Variants in CACNA2D1 observed in about 807,000 individuals in gnomAD.
CACNA2D1 encodes the protein calcium voltage-gated channel auxiliary subunit alpha2delta 1.
Under a neutral mutation model 171.5 loss-of-function variants are expected in CACNA2D1, and 53 were observed. The observed-to-expected ratio is 0.31, with a 90% CI of 0.25 to 0.39. The LOEUF (loss-of-function observed/expected upper bound fraction) is 0.39, where lower values mean the gene tolerates loss of function less well. CACNA2D1 is among the 10% of genes least tolerant of loss of function. The pLI is 1.00. For missense variants in CACNA2D1, 903 were observed against 1,299.8 expected, an observed-to-expected ratio of 0.69 and a Z score of 4.69; for synonymous variants, 442 against 443.1, an observed-to-expected ratio of 1.00 and a Z score of 0.03.
At chr7:82,322,721 A>AT (rs1335586592) in intron 3 of CACNA2D1, among the ~76,000 whole-genome samples, 4 of 152,160 alleles carry the variant, frequency 2.6e-5, no homozygotes, top group African/African-American at 4.8e-5. Flanking sequence ...GTATCAGGAG[A>AT]TTTTTTAAAG....
intron 3 of CACNA2D1, among the ~76,000 whole-genome samples, chr7:82,295,964 A>G (rs543819503): frequency 2.3e-4 from 35 of 152,184 alleles, no homozygotes; most frequent in African/African-American, 7.7e-4. Context: ...TTGTAGGGAC[A>G]TGGATGAAAT....
At chr7:82,028,076 T>C (rs1014531667) in intron 12 of CACNA2D1, 2 of 151,846 alleles carry the variant, frequency 1.3e-5, no homozygotes, top group Non-Finnish European at 2.9e-5. Flanking sequence ...AGGACTTTCA[T>C]AGCTAAAAAG....
chr7:81,984,441 C>T (rs988326806), intron 22 of CACNA2D1, among the ~76,000 whole-genome samples, 194 bp downstream of exon 22: 8 of 152,152 alleles, frequency 5.3e-5, no homozygotes, highest in Non-Finnish European at 8.8e-5. Flanking sequence ...GGAGTACCTG[C>T]TCATATTCTA....
intron 5 of CACNA2D1, among the ~76,000 whole-genome samples, chr7:82,134,007 A>G (rs1451798041): frequency 2.6e-5 from 4 of 151,998 alleles, no homozygotes; most frequent in Non-Finnish European, 5.9e-5. Flanking sequence ...CAGGAGGTGG[A>G]GCTTGCAGTG....
At chr7:81,968,823 A>G (rs1794972329) in intron 29 of CACNA2D1, 64 bp downstream of exon 29, 2 of 911,122 alleles carry the variant, frequency 2.2e-6, no homozygotes, top group South Asian at 2.7e-5. Context: ...TTGCCAGTTT[A>G]TAATATAAAT....
chr7:82,216,220 G>A (rs768262338), intron 3 of CACNA2D1, among the ~76,000 whole-genome samples: 1 of 152,232 alleles, frequency 6.6e-6, no homozygotes, highest in East Asian at 1.9e-4. Context: ...TGTCAGTTCA[G>A]CATCAATTTG....
At chr7:82,181,643 A>T (rs1218045775) in intron 3 of CACNA2D1, among the ~76,000 whole-genome samples, 3 of 152,234 alleles carry the variant, frequency 2.0e-5, no homozygotes, top group African/African-American at 2.4e-5. Context: ...TATCTTAAAA[A>T]AGCAAGCTCT....
intron 1 of CACNA2D1, among the ~76,000 whole-genome samples, chr7:82,427,923 T>C (rs2129458350): frequency 6.6e-6 from 1 of 152,226 alleles, no homozygotes; most frequent in East Asian, 1.9e-4. Context: ...ATGCAATGGC[T>C]CACGCCTGTA....
At chr7:82,137,544 T>G (rs978654798) in intron 4 of CACNA2D1, among the ~76,000 whole-genome samples, 3 of 151,992 alleles carry the variant, frequency 2.0e-5, no homozygotes, top group Non-Finnish European at 4.4e-5. Context: ...ACACATATTT[T>G]TCCCTGCCTC....
chr7:82,155,363 G>A (rs975774281), intron 4 of CACNA2D1, among the ~76,000 whole-genome samples: 1 of 152,060 alleles, frequency 6.6e-6, no homozygotes, highest in Non-Finnish European at 1.5e-5. Context: ...TGTTCAGGTA[G>A]GTAAGCCAAT....
At chr7:82,130,322 T>C (rs1209994774) in intron 5 of CACNA2D1, among the ~76,000 whole-genome samples, 1 of 152,154 alleles carries the variant, frequency 6.6e-6, no homozygotes, top group Non-Finnish European at 1.5e-5. Flanking sequence ...CCAAACATTA[T>C]ATGTTCCGCT....
intron 3 of CACNA2D1, among the ~76,000 whole-genome samples, chr7:82,217,887 A>G (rs1218579737): frequency 2.0e-5 from 3 of 150,522 alleles, no homozygotes; most frequent in Non-Finnish European, 4.4e-5. Context: ...GGGAGGCACT[A>G]TGTAGGGCTT....
Position 82,443,346 on chromosome 7 carries a change from G to A in CACNA2D1, c.95+19C>T. 6.3e-7 allele frequency: 1 copy of A among 1,596,110 alleles called. No individual in the cohort carries two copies. The highest frequency in any genetic ancestry group is 8.5e-7 in the Non-Finnish European group (1 of 1,172,016). ...CGGCGCCCCTCGGCCGGCGCTCCCT[G>A]CCCGGCCCGCCGACTTACGTGACGG... is the stretch of plus-strand genomic sequence containing the variant. On this transcript the variant is annotated intron_variant, in intron 1 of 38. Transcript: ENST00000356860.
chr7:81,971,897 C>T (rs747727629), intron 25 of CACNA2D1, 33 bp from the exon 26 acceptor site: 1 of 1,270,172 alleles, frequency 7.9e-7, no homozygotes, highest in South Asian at 1.2e-5. Context: ...GTTACACTCA[C>T]ATTTCTAAAA....
At chr7:82,163,125 C>T (rs918558476) in intron 4 of CACNA2D1, among the ~76,000 whole-genome samples, 3 of 151,930 alleles carry the variant, frequency 2.0e-5, no homozygotes, top group Non-Finnish European at 2.9e-5. Flanking sequence ...AGTGATTTCC[C>T]TAGGGTTCTG....
At chr7:82,016,600 C>T (rs1452237061) in intron 12 of CACNA2D1, among the ~76,000 whole-genome samples, 5 of 35,646 alleles carry the variant, frequency 1.4e-4, no homozygotes, top group Admixed American at 2.9e-4. Context: ...CAAATAAACA[C>T]TAGCCGCCCG....
At chr7:82,409,160 A>C (rs1267075387) in intron 1 of CACNA2D1, among the ~76,000 whole-genome samples, 4 of 152,194 alleles carry the variant, frequency 2.6e-5, no homozygotes, top group Non-Finnish European at 1.5e-5. Flanking sequence ...TAAAAGGCCA[A>C]AATCCATAGT....
intron 2 of CACNA2D1, among the ~76,000 whole-genome samples, chr7:82,345,017 C>T (rs948933108): frequency 2.6e-5 from 4 of 152,028 alleles, no homozygotes; most frequent in East Asian, 1.9e-4. Flanking sequence ...GTTGCCTGCG[C>T]GTCTTGCTGA....
At chr7:82,346,571 C>A (rs1342296147) in intron 2 of CACNA2D1, among the ~76,000 whole-genome samples, 2 of 152,012 alleles carry the variant, frequency 1.3e-5, no homozygotes, top group African/African-American at 4.8e-5. Context: ...ACTTTCTGTA[C>A]CATTGTTAGC....
Sources: allele counts gnomAD v4.1 joint callset (sites outside exome capture counted in the v4.1 genomes callset), GRCh38; gene constraint gnomAD v4.1.1; transcripts MANE v1.5; gene names NCBI Gene and HGNC (gene_info 2026-07-23, HGNC 2026-07-21).